GFUS: variants seen among roughly 807,000 people sequenced by gnomAD.
GFUS encodes GDP-L-fucose synthase.
In GFUS, 42 loss-of-function variants were observed where a neutral mutation model predicts 41.5. The observed-to-expected ratio is 1.01, with a 90% CI of 0.79 to 1.31. The LOEUF is 1.31. GFUS is among the 50% of genes most tolerant of loss of function. The pLI is 0.00. For missense variants in GFUS, 437 were observed against 428.7 expected (o/e 1.02, Z -0.17); for synonymous variants, 188 against 173.4 (o/e 1.08, Z -0.66).
chr8:143,613,216 C>G lies in GFUS; in HGVS notation c.890G>C (p.Arg297Pro), dbSNP rs781536733. Residue 297 changes from arginine (R) to proline (P), a missense_variant, in exon 10 of 11, where the codon CGG becomes CCG. By Grantham distance (103) the Arg-to-Pro change is moderately radical. Coordinates refer to ENST00000425753, the MANE Select transcript of GFUS (RefSeq NM_003313.4). ...SKLRTYLPDF[R>P]FTPFKQAVKE... ...CTCACCCTGCTTGAAGGGTGTGAAC[C>G]GGAAGTCGGGCAGGTAGGTCCTCAG... The G allele has an allele frequency of 1.9e-6, 3 of 1,613,842 alleles. No individual in the cohort carries two copies. In the Admixed American group the frequency reaches 5.0e-5, roughly 27 times the overall value.
intron 10 of GFUS, 63 bp from the exon 11 acceptor site, chr8:143,613,028 G>C: frequency 1.3e-6 from 2 of 1,587,470 alleles, no homozygotes; most frequent in Non-Finnish European, 1.7e-6. Flanking sequence ...GGAGGAAGTG[G>C]GGGGAGGAGG....
chr8:143,614,836 G>C lies in GFUS; in HGVS notation c.341C>G (p.Ser114Cys), dbSNP rs759093273. 3 of 1,613,814 alleles carry C rather than the reference G, an allele frequency of 1.9e-6. No individual in the cohort carries two copies. Among genetic ancestry groups the C allele is most frequent in the Non-Finnish European group, 2.5e-6 (3 of 1,180,006 alleles). The change falls in exon 4 of 11, where the codon TCC (serine) becomes TGC (cysteine). Residue 114 changes from serine to cysteine, a missense_variant. Physicochemically the swap from Ser to Cys is moderately radical, Grantham distance 112 (BLOSUM62 -1). Transcript: ENST00000425753. ...VGARKVVSCL[S>C]TCIFPDKTTY... Reference sequence around the variant, plus strand: ...CGTCTTGTCAGGGAAGATACAGGTGGACAGGCAGGACACCACCTTGCGGGC... The same window carrying C: ...CGTCTTGTCAGGGAAGATACAGGTGCACAGGCAGGACACCACCTTGCGGGC...
Position 143,614,550 on chromosome 8 carries a change from C to A in GFUS, c.464+74G>T, listed in dbSNP as rs1829671705. On this transcript the variant is annotated intron_variant, in intron 5 of 10. Coordinates refer to ENST00000425753, the MANE Select transcript of GFUS (RefSeq NM_003313.4). ...ACTGAGGCTGGCACGAAGACCCGAC[C>A]AGCCGGCCCCACCCGCCCCTGGGGG... 6 of 1,556,968 alleles carry A rather than the reference C, an allele frequency of 3.9e-6. No individual in the cohort carries two copies. The Admixed American group carries it at 1.1e-4, about 27-fold the overall frequency.
rs933075980 is a variant in GFUS, at chr8:143,613,737, G to A, written c.730+14C>T. 1.9e-6 allele frequency: 3 copies of A among 1,552,420 alleles called. No individual in the cohort carries two copies. Among genetic ancestry groups the A allele is most frequent in the Admixed American group, 3.9e-5 (2 of 51,154 alleles). ...CTACCATGGAGGAAGGGGGCTGAGG[G>A]CTGAGGTACCCACCGGAGAGGATGA... is the stretch of plus-strand genomic sequence containing the variant. On this transcript the variant is annotated intron_variant, in intron 8 of 10. Coordinates refer to ENST00000425753, the MANE Select transcript of GFUS (RefSeq NM_003313.4).
At chr8:143,616,017 G>A in intron 3 of GFUS, 89 bp downstream of exon 3, 3 of 1,119,882 alleles carry the variant, frequency 2.7e-6, no homozygotes, top group South Asian at 2.9e-5. Context: ...GGGTGGGAAT[G>A]TGGGCCTGTG....
intron 8 of GFUS, 50 bp downstream of exon 8, chr8:143,613,701 T>G: frequency 6.4e-7 from 1 of 1,559,146 alleles, no homozygotes; most frequent in Non-Finnish European, 8.7e-7. Context: ...AGGACAACCT[T>G]GGATCCTGTC....
chr8:143,616,725 T>C lies in GFUS; in HGVS notation c.-11-2A>G. ...GGGGTTCACCCATGTCAGTTGCACC[T>C]GTAATGTCAAACAGTGGGAGGCTGA... On this transcript the variant is annotated splice_acceptor_variant, in intron 1 of 10. Coordinates refer to ENST00000425753, the MANE Select transcript of GFUS (RefSeq NM_003313.4). LOFTEE classifies it low-confidence loss of function (5UTR_SPLICE). 1 of 1,613,510 alleles carries C rather than the reference T, an allele frequency of 6.2e-7. No individual in the cohort carries two copies. Among genetic ancestry groups the C allele is most frequent in the African/African-American group, 1.3e-5 (1 of 74,996 alleles).
intron 1 of GFUS, chr8:143,617,005 C>T (rs1829744351): frequency 2.2e-6 from 1 of 462,410 alleles, no homozygotes; most frequent in South Asian, 3.0e-5. Flanking sequence ...CATTCTACTC[C>T]CCTCTGACTG....
rs370946745 is a variant in GFUS at position 143,614,877 on chromosome 8, C to G, written c.300G>C (p.Ser100=). 3.1e-6 allele frequency: 5 copies of G among 1,613,318 alleles called. No homozygotes were observed. Among genetic ancestry groups the G allele is most frequent in the African/African-American group, 1.3e-5 (1 of 74,916 alleles). ...CCTTGCGGGCGCCCACCTCAAAGGCCGAGTGCAGGACGTTGTCGTTCATGT... is the reference window on the plus strand; with the variant it reads ...CCTTGCGGGCGCCCACCTCAAAGGCGGAGTGCAGGACGTTGTCGTTCATGT... ...NVHMNDNVLH[S]AFEVGARKVV... is the part of the protein sequence containing the mutation. Residue 100 remains serine (S), a synonymous_variant, in exon 4 of 11, where the codon TCG becomes TCC. Transcript: ENST00000425753.
chr8:143,613,396 C>T lies in GFUS; in HGVS notation c.811-101G>A, dbSNP rs75004647. 0.13 allele frequency: 186,216 copies of T among 1,475,984 alleles called. 12,600 individuals carry two copies. The highest frequency in any genetic ancestry group is 0.18 in the Middle Eastern group (1,037 of 5,834). 91.4% of individuals were successfully genotyped at this position (1,475,984 alleles called of 1,614,324 possible). ...CATTCCCAGGGGAGCCACAGCAGAG[C>T]TCCTCCGCCTGCCAGGGTGAGCATC... On this transcript the variant is annotated intron_variant, in intron 9 of 10. Transcript: ENST00000425753.
Position 143,614,922 on chromosome 8 carries a change from G to C in GFUS, c.262-7C>G. On this transcript the variant is annotated splice_polypyrimidine_tract_variant and splice_region_variant and intron_variant, in intron 3 of 10. Transcript: ENST00000425753. ...TCATGTGCACGTTTTTCCTCTGCAG[G>C]GGTGAGGCGGGGACAGTTCAGGCTC... is the stretch of plus-strand genomic sequence containing the variant. 1.9e-6 allele frequency: 3 copies of C among 1,597,114 alleles called. No homozygotes were observed. The highest frequency in any genetic ancestry group is 2.6e-6 in the Non-Finnish European group (3 of 1,170,190).
At chr8:143,617,203 C>A (rs1829749154) in intron 1 of GFUS, 2 of 156,086 alleles carry the variant, frequency 1.3e-5, no homozygotes, top group Admixed American at 1.2e-4. Context: ...GGACAGGCCT[C>A]GGGGCGCAGC....
intron 1 of GFUS, chr8:143,616,973 C>T: frequency 5.4e-6 from 3 of 558,210 alleles, no homozygotes; most frequent in East Asian, 2.9e-5. Flanking sequence ...CCCACGACTC[C>T]CCACTAGGCC....
chr8:143,616,930 A>G, intron 1 of GFUS: 1 of 618,240 alleles, frequency 1.6e-6, no homozygotes, highest in South Asian at 2.0e-5. Flanking sequence ...AGGGGTCCTG[A>G]GCTACCACCC....
At chr8:143,613,046 A>C (rs986294257) in intron 10 of GFUS, 81 bp from the exon 11 acceptor site, 14 of 1,578,456 alleles carry the variant, frequency 8.9e-6, no homozygotes, top group Non-Finnish European at 1.2e-5. Context: ...AGGCCCAGGG[A>C]CAGGGAAGTC....
At chr8:143,615,062 GGCAGTGGGCTT>G in intron 3 of GFUS, 147 bp from the exon 4 acceptor site, 1 of 1,300,392 alleles carries the variant, frequency 7.7e-7, no homozygotes, top group East Asian at 2.5e-5. Flanking sequence ...TTCCGGACAA[GGCAGTGGGCTT>G]ACAGACACCA....
chr8:143,612,889 AC>A lies in GFUS; in HGVS notation c.*20del. The A allele has an allele frequency of 6.2e-7, 1 of 1,600,448 alleles. No homozygotes were observed. Among genetic ancestry groups the A allele is most frequent in the Non-Finnish European group, 8.5e-7 (1 of 1,174,780 alleles). On this transcript the variant is annotated 3_prime_UTR_variant, in exon 11 of 11. Transcript: ENST00000425753. The stretch of plus-strand genomic sequence containing the variant: ...CTCTGCCAGCCGATGGTCCGCTGGC[AC>A]CTGATCCTGTCTTCCAGCTTCACTT...
At chr8:143,617,726 C>T (rs889315539), upstream of GFUS, among the ~76,000 whole-genome samples, 1 of 152,074 alleles carries the variant, frequency 6.6e-6, no homozygotes, top group South Asian at 2.1e-4. Context: ...CGGGCCGCAA[C>T]CTCTTTAGCC....
Position 143,616,174 on chromosome 8 carries a change from G to A in GFUS, c.193C>T (p.His65Tyr). ...ACCATTGCAGCAAGATGGATGACGT[G>A]TGTGGGTTGGACCTTCTCAAACAGG... ...RALFEKVQPT[H>Y]VIHLAAMVGG... is the part of the protein sequence containing the mutation. Residue 65 changes from histidine (H) to tyrosine (Y), a missense_variant, in exon 3 of 11, where the codon CAC (histidine) becomes TAC (tyrosine). Physicochemically the swap from His to Tyr is moderately conservative, Grantham distance 83. Coordinates refer to ENST00000425753, the MANE Select transcript of GFUS (RefSeq NM_003313.4). 6.2e-7 allele frequency: 1 copy of A among 1,613,892 alleles called. No individual in the cohort carries two copies. Among genetic ancestry groups the A allele is most frequent in the Non-Finnish European group, 8.5e-7 (1 of 1,179,886 alleles).
Sources: gnomAD v4.1 joint callset for allele counts (sites outside exome capture counted in the v4.1 genomes callset) on GRCh38, gnomAD v4.1.1 for gene constraint, MANE v1.5 for transcripts, NCBI Gene and HGNC (gene_info 2026-07-23, HGNC 2026-07-21) for gene names.